The following DNAH10 variants were observed in gnomAD, a reference collection of about 807,000 sequenced individuals.
The protein encoded by DNAH10 is axonemal beta dynein heavy chain 10.
In DNAH10, 348 loss-of-function variants were observed where a neutral mutation model predicts 506.6. The observed-to-expected ratio is 0.69, with a 90% CI of 0.63 to 0.75. The LOEUF (loss-of-function observed/expected upper bound fraction) is 0.75, where lower values mean the gene tolerates loss of function less well. Among genes scored for constraint, DNAH10 ranks in the 30% least tolerant of loss-of-function variants. The probability of loss-of-function intolerance (pLI) is 0.00; values close to 1 mark genes in which losing one functional copy is unlikely to be tolerated. For synonymous variants in DNAH10, 2,059 were observed against 2,198.6 expected (o/e 0.94, Z 1.78); for missense variants, 5,179 against 5,787.1 (o/e 0.89, Z 3.41).
intron 36 of DNAH10, among the ~76,000 whole-genome samples, chr12:123,856,048 G>T (rs981082246): frequency 6.8e-6 from 1 of 146,848 alleles, no homozygotes; most frequent in African/African-American, 2.5e-5. Flanking sequence ...TATGAAATAT[G>T]AAATTTCATA....
chr12:123,788,013 G>A lies in DNAH10; in HGVS notation c.1620+11G>A, dbSNP rs1322788630. 1 of 1,555,018 alleles carries A rather than the reference G, an allele frequency of 6.4e-7. No individual in the cohort carries two copies. Among genetic ancestry groups the A allele is most frequent in the Non-Finnish European group, 8.7e-7 (1 of 1,148,738 alleles). ...TCCGACGTTCTGCAGGTAGGGGCTG[G>A]GCGAAGGCCGGCGGAATTTGCCCCG... On this transcript the variant is annotated intron_variant, in intron 10 of 78. Transcript: ENST00000673944.
chr12:123,825,731 G>C (rs1367058220), intron 24 of DNAH10, among the ~76,000 whole-genome samples: 1 of 152,182 alleles, frequency 6.6e-6, no homozygotes, highest in South Asian at 2.1e-4. Context: ...CTTGATTGTG[G>C]TGGTGCTTTC....
At chr12:123,773,802 T>G (rs1246788079) in intron 4 of DNAH10, among the ~76,000 whole-genome samples, 1 of 152,226 alleles carries the variant, frequency 6.6e-6, no homozygotes, top group African/African-American at 2.4e-5. Context: ...ATGTGGATTT[T>G]GGGGTCATTC....
rs35553163 is a variant in DNAH10, at chr12:123,921,691, GTTTTTTTTTTTTTTTTTTTTTT to G, written c.11507-2053_11507-2032del. Among the ~76,000 whole-genome samples, 29 of 62,838 alleles carry G rather than the reference GTTTTTTTTTTTTTTTTTTTTTT, an allele frequency of 4.6e-4. 1 individual carries two copies. Among genetic ancestry groups the G allele is most frequent in the Non-Finnish European group, 6.0e-4 (21 of 35,180 alleles). The allele number at this position is 62,838 out of a possible 152,430, so 41.2% of individuals were successfully genotyped here. A position where few individuals can be genotyped will look rare whatever the true frequency, so the allele number is the denominator to read the frequency against. ...CTTGTCCATCTGTCTGTAGCTTGCA[GTTTTTTTTTTTTTTTTTTTTTT>G]TTTTTTTTTTTTTTTTTTGAGACAG... is the stretch of plus-strand genomic sequence containing the variant. On this transcript the variant is annotated intron_variant, in intron 65 of 78. Coordinates refer to ENST00000673944, the MANE Select transcript of DNAH10 (RefSeq NM_001372106.1).
intron 46 of DNAH10, 150 bp from the exon 47 acceptor site, chr12:123,875,081 G>T: frequency 1.2e-6 from 1 of 843,530 alleles, no homozygotes; most frequent in Non-Finnish European, 1.8e-6. Context: ...ATATACAGTT[G>T]CAACCTTTGA....
At chr12:123,767,483 C>T (rs1342373081) in intron 1 of DNAH10, 123 bp from the exon 2 acceptor site, 6 of 848,434 alleles carry the variant, frequency 7.1e-6, no homozygotes, top group African/African-American at 1.7e-5. Context: ...ACCACTGTAA[C>T]ATAACGAGTC....
At chr12:123,821,828 G>C (rs1959438841) in intron 24 of DNAH10, among the ~76,000 whole-genome samples, 1 of 152,120 alleles carries the variant, frequency 6.6e-6, no homozygotes, top group South Asian at 2.1e-4. Flanking sequence ...CAGCACTTTG[G>C]GAGGCTGAGA....
At chr12:123,934,970 G>C in intron 78 of DNAH10, 1 of 683,042 alleles carries the variant, frequency 1.5e-6, no homozygotes, top group East Asian at 2.7e-5. Flanking sequence ...GTGGATGCCG[G>C]TCCTTCCAGA....
intron 13 of DNAH10, among the ~76,000 whole-genome samples, chr12:123,799,037 G>A (rs939279161): frequency 2.1e-5 from 3 of 145,930 alleles, no homozygotes; most frequent in Admixed American, 6.9e-5. Context: ...CCCGGGAGGC[G>A]AAGGATGTAG....
intron 27 of DNAH10, among the ~76,000 whole-genome samples, chr12:123,834,209 A>G (rs1207753783): frequency 1.3e-5 from 2 of 152,112 alleles, no homozygotes; most frequent in African/African-American, 4.8e-5. Flanking sequence ...ATTTGTGAGT[A>G]AAAAACAATT....
At position 123,841,379 on chromosome 12, in the gene DNAH10, G is replaced by GT; in HGVS notation, c.5195dup (p.Ser1733ValfsTer20). Reference sequence around the variant, plus strand: ...TGACGGCGATAGTGGAGAAAAACTGGTGTCCGCGATGATTTCAGCAGAAGG... The same window carrying GT: ...TGACGGCGATAGTGGAGAAAAACTGGTTGTCCGCGATGATTTCAGCAGAAGG... On this transcript the variant is annotated frameshift_variant, in exon 30 of 79. Coordinates refer to ENST00000673944, the MANE Select transcript of DNAH10 (RefSeq NM_001372106.1). LOFTEE classifies it high-confidence loss of function. 6.2e-7 allele frequency: 1 copy of GT among 1,614,016 alleles called. No individual in the cohort carries two copies. The highest frequency in any genetic ancestry group is 8.5e-7 in the Non-Finnish European group (1 of 1,179,906).
chr12:123,826,721 T>G lies in DNAH10; in HGVS notation c.4214T>G (p.Ile1405Ser). ...GAAGAATGGTCTCAGACCCTTTGGA[T>G]CAACCTGAATGTGCAGATTCTCCAG... ...AKEEWSQTLW[I>S]NLNVQILQEG... Residue 1405 changes from isoleucine (I) to serine (S), a missense_variant, in exon 25 of 79, where the codon ATC (isoleucine) becomes AGC (serine). By Grantham distance (142) the Ile-to-Ser change is moderately radical (BLOSUM62 -2). This residue lies in a region of DNAH10 where 4,844 missense variants were observed against 5,430.5 expected (regional missense o/e 0.89). Coordinates refer to ENST00000673944, the MANE Select transcript of DNAH10 (RefSeq NM_001372106.1). 6.2e-7 allele frequency: 1 copy of G among 1,613,808 alleles called. No individual in the cohort carries two copies. Among genetic ancestry groups the G allele is most frequent in the Non-Finnish European group, 8.5e-7 (1 of 1,179,762 alleles).
Position 123,846,102 on chromosome 12 carries a change from G to T in DNAH10, c.5762G>T (p.Gly1921Val), listed in dbSNP as rs776249760. The part of the protein sequence containing the change: ...GYGYEYMGLN[G>V]RLVITPLTDR... ...GGCTACGAGTACATGGGCCTGAACG[G>T]CAGGCTGGTCATCACGCCCCTCACC... The change falls in exon 32 of 79, where the codon GGC (glycine) becomes GTC (valine). Residue 1921 changes from glycine (G) to valine (V), a missense_variant. Coordinates refer to ENST00000673944, the MANE Select transcript of DNAH10 (RefSeq NM_001372106.1). The surrounding 1 kb of genome is among the most constrained non-coding windows in gnomAD (Gnocchi z 4.5). 1.4e-5 allele frequency: 23 copies of T among 1,613,816 alleles called. No homozygotes were observed. Among genetic ancestry groups the T allele is most frequent in the African/African-American group, 4.0e-5 (3 of 74,940 alleles).
intron 37 of DNAH10, 75 bp from the exon 38 acceptor site, chr12:123,859,075 G>A (rs917867204): frequency 1.7e-5 from 22 of 1,306,990 alleles, no homozygotes; most frequent in Middle Eastern, 3.6e-4. Flanking sequence ...TGTATGGCGT[G>A]TGTGTTGTAT....
At chr12:123,804,600 A>C (rs1958592775) in intron 17 of DNAH10, among the ~76,000 whole-genome samples, 1 of 152,122 alleles carries the variant, frequency 6.6e-6, no homozygotes, top group African/African-American at 2.4e-5. Flanking sequence ...TCAACAATGA[A>C]TTGAAGAAAA....
intron 27 of DNAH10, among the ~76,000 whole-genome samples, chr12:123,834,695 C>T (rs1447004528): frequency 6.6e-6 from 1 of 152,252 alleles, no homozygotes; most frequent in Non-Finnish European, 1.5e-5. Flanking sequence ...CCTCCCCCAG[C>T]ACCTGGCAAC....
chr12:123,886,969 C>G (rs1952762412), intron 51 of DNAH10, among the ~76,000 whole-genome samples, 173 bp from the exon 52 acceptor site: 1 of 152,208 alleles, frequency 6.6e-6, no homozygotes, highest in African/African-American at 2.4e-5. Context: ...GGGCTTCCCC[C>G]TCCTCTGTTT....
At chr12:123,891,336 A>G (rs985307970) in intron 52 of DNAH10, among the ~76,000 whole-genome samples, 1 of 152,222 alleles carries the variant, frequency 6.6e-6, no homozygotes, top group African/African-American at 2.4e-5. Flanking sequence ...ATTTCCAAAT[A>G]AAGTCACAAT....
At chr12:123,852,308 A>G (rs1231994807) in intron 35 of DNAH10, among the ~76,000 whole-genome samples, 1 of 152,252 alleles carries the variant, frequency 6.6e-6, no homozygotes, top group Non-Finnish European at 1.5e-5. Flanking sequence ...TAAAATGTAC[A>G]TACGTAAGAT....
Sources: gnomAD v4.1 joint callset for allele counts (sites outside exome capture counted in the v4.1 genomes callset) on GRCh38, gnomAD v4.1.1 for gene constraint, gnomAD v4.1.1 regional missense constraint, Gnocchi (gnomAD v3.1) non-coding constraint, MANE v1.5 for transcripts, NCBI Gene and HGNC (gene_info 2026-07-23, HGNC 2026-07-21) for gene names.